Variants in RGS3 observed in about 807,000 individuals in gnomAD.
The protein encoded by RGS3 is regulator of G protein signaling 3.
In RGS3, 80 loss-of-function variants were observed where a neutral mutation model predicts 132.6. That is an observed-to-expected ratio of 0.60 (90% CI 0.50 to 0.73). RGS3 has a LOEUF of 0.73. Ranked by LOEUF, RGS3 falls within the 30% of genes least tolerant of loss-of-function variation. RGS3 has a pLI of 0.00. For missense variants in RGS3, 1,382 were observed against 1,530.8 expected, an observed-to-expected ratio of 0.90 and a Z score of 1.62; for synonymous variants, 598 against 620.6, an observed-to-expected ratio of 0.96 and a Z score of 0.54.
intron 10 of RGS3, among the ~76,000 whole-genome samples, chr9:113,499,213 C>T (rs1440955316): frequency 4.6e-5 from 6 of 129,170 alleles, no homozygotes; most frequent in East Asian, 4.2e-4. Context: ...GGCAAGAGAA[C>T]GAGATTCCAT....
intron 1 of RGS3, among the ~76,000 whole-genome samples, chr9:113,449,892 G>A (rs1448663771): frequency 1.3e-5 from 2 of 151,160 alleles, no homozygotes; most frequent in African/African-American, 2.4e-5. Context: ...ACAGGTGCCC[G>A]CCCCCACTCT....
Position 113,507,545 on chromosome 9 carries a change from C to T in RGS3, c.1344C>T (p.Arg448=), listed in dbSNP as rs143561134. The change falls in exon 13 of 25, where the codon CGC becomes CGT. Residue 448 remains arginine (R), a synonymous_variant. Transcript: ENST00000350696. The surrounding 1 kb of genome is among the most constrained non-coding windows in gnomAD (Gnocchi z 5.0). ...AGCGCTACACCGAGGTGGCCAAGCGCGGGGGCCAGCACACCCTGCCTGCAC... is the reference window on the plus strand; with the variant it reads ...AGCGCTACACCGAGGTGGCCAAGCGTGGGGGCCAGCACACCCTGCCTGCAC... 606 of 1,593,046 alleles carry T rather than the reference C, an allele frequency of 3.8e-4. No homozygotes were observed. The highest frequency in any genetic ancestry group is 1.8e-3 in the Admixed American group (103 of 58,224).
intron 20 of RGS3, among the ~76,000 whole-genome samples, chr9:113,584,664 T>C (rs561544278): frequency 6.6e-6 from 1 of 152,224 alleles, no homozygotes; most frequent in African/African-American, 2.4e-5. Context: ...ATAGCTCCAC[T>C]GGTCCCCACA....
At chr9:113,514,627 A>G (rs1381938603) in exon 15 of RGS3, 2 of 1,613,848 alleles carry the variant, frequency 1.2e-6, no homozygotes, top group Non-Finnish European at 1.7e-6. Flanking sequence ...TGGCCCCCAA[A>G]GTCCTGGTGT....
At chr9:113,595,051 T>G (rs1007521912) in intron 23 of RGS3, 71 bp downstream of exon 21, 1 of 1,457,140 alleles carries the variant, frequency 6.9e-7, no homozygotes, top group Admixed American at 1.7e-5. Context: ...CCAGACCCTG[T>G]GTAGCTGGTG....
chr9:113,472,928 C>T (rs1829879496), intron 3 of RGS3, among the ~76,000 whole-genome samples: 1 of 152,070 alleles, frequency 6.6e-6, no homozygotes, highest in African/African-American at 2.4e-5. Context: ...GTAATCCCAG[C>T]TACTCAGGAG....
At chr9:113,531,390 G>A (rs555118874) in intron 18 of RGS3, among the ~76,000 whole-genome samples, 1 of 152,248 alleles carries the variant, frequency 6.6e-6, no homozygotes, top group Non-Finnish European at 1.5e-5. Context: ...AGTGATCTGG[G>A]GCCAGTTACA....
chr9:113,527,457 A>C (rs1832264646), intron 17 of RGS3, among the ~76,000 whole-genome samples: 1 of 152,208 alleles, frequency 6.6e-6, no homozygotes, highest in African/African-American at 2.4e-5. Flanking sequence ...CACCCTCAGC[A>C]ACACAAGGAA....
chr9:113,554,070 C>G (rs915383353), intron 19 of RGS3, among the ~76,000 whole-genome samples: 2 of 152,238 alleles, frequency 1.3e-5, no homozygotes, highest in Non-Finnish European at 2.9e-5. Context: ...TCTGTTTACA[C>G]ATGTCATCTC....
At chr9:113,461,619 T>TC in intron 1 of RGS3, 4 of 1,342,998 alleles carry the variant, frequency 3.0e-6, no homozygotes, top group Non-Finnish European at 3.1e-6. Context: ...GGGGCAGGAG[T>TC]CAGGAGGGGA....
At chr9:113,467,893 T>TA (rs577850694) in intron 3 of RGS3, among the ~76,000 whole-genome samples, 8 of 152,034 alleles carry the variant, frequency 5.3e-5, no homozygotes, top group Non-Finnish European at 8.8e-5. Flanking sequence ...TTTTCTTATG[T>TA]AAAAAAAACT....
intron 7 of RGS3, 145 bp downstream of exon 5, chr9:113,485,838 C>T (rs1049294482): frequency 1.6e-6 from 1 of 607,562 alleles, no homozygotes; most frequent in African/African-American, 1.8e-5. Flanking sequence ...GGCTGCCCCT[C>T]CTTGAGTCTC....
At position 113,483,015 on chromosome 9, in the gene RGS3, G is replaced by C. The variant is rs746107359; in HGVS notation, c.467-44G>C. On this transcript the variant is annotated intron_variant, in intron 4 of 24. Transcript: ENST00000350696. Reference sequence around the variant, plus strand: ...TCTCTCTTTCTCGCTGTGTGTGTGTGTATGTTTCCATTCATCCACCCCAAT... The same window carrying C: ...TCTCTCTTTCTCGCTGTGTGTGTGTCTATGTTTCCATTCATCCACCCCAAT... The C allele has an allele frequency of 3.1e-6, 5 of 1,612,664 alleles. No homozygotes were observed. The Admixed American group carries it at 6.7e-5, about 21-fold the overall frequency.
intron 1 of RGS3, among the ~76,000 whole-genome samples, chr9:113,449,931 G>T (rs1008565435): frequency 6.6e-6 from 1 of 152,018 alleles, no homozygotes; most frequent in African/African-American, 2.4e-5. Context: ...TTTTAGTAGA[G>T]ATGGGGTTTC....
At chr9:113,485,782 G>A in intron 7 of RGS3, 89 bp downstream of exon 5, 1 of 883,814 alleles carries the variant, frequency 1.1e-6, no homozygotes, top group South Asian at 1.5e-5. Flanking sequence ...GGTTCGATTA[G>A]TGCTTTCTGG....
chr9:113,576,084 C>T (rs1834508559), intron 19 of RGS3, among the ~76,000 whole-genome samples: 1 of 151,876 alleles, frequency 6.6e-6, no homozygotes, highest in African/African-American at 2.4e-5. Context: ...CCTGTAGTCC[C>T]AGCTACTTGG....
chr9:113,490,027 A>G (rs1034564357), intron 7 of RGS3, among the ~76,000 whole-genome samples: 3 of 152,206 alleles, frequency 2.0e-5, no homozygotes, highest in African/African-American at 7.2e-5. Context: ...CATCATGGTG[A>G]TCACAGTGGG....
In RGS3 at chr9:113,584,506, G is replaced by A. The variant is rs1588290982; in HGVS notation, c.3015+79G>A. The A allele has an allele frequency of 6.5e-6, 9 of 1,391,162 alleles. No homozygotes were observed. The East Asian group carries it at 2.2e-4, about 34-fold the overall frequency. The allele number at this position is 1,391,162 out of a possible 1,614,324, so 86.2% of individuals were successfully genotyped here. A position where few individuals can be genotyped will look rare whatever the true frequency, so the allele number is the denominator to read the frequency against. ...GCCCAGGGGCTGCAGGGAATGAGAA[G>A]TCACCATGTTCCACCCCCACTATCC... On this transcript the variant is annotated intron_variant, in intron 20 of 24. Coordinates refer to ENST00000350696, the Ensembl canonical transcript of RGS3.
chr9:113,541,536 G>T, intron 19 of RGS3: 1 of 1,536,088 alleles, frequency 6.5e-7, no homozygotes, highest in Admixed American at 1.9e-5. Context: ...GACCAAGATG[G>T]TGGGTCTAGG....
Sources: allele counts gnomAD v4.1 joint callset (sites outside exome capture counted in the v4.1 genomes callset), GRCh38; gene constraint gnomAD v4.1.1; non-coding constraint Gnocchi (gnomAD v3.1); transcripts MANE v1.5; gene names NCBI Gene and HGNC (gene_info 2026-07-23, HGNC 2026-07-21).